CXADR: variants seen among roughly 807,000 people sequenced by gnomAD.
The protein encoded by CXADR is CXADR cell adhesion molecule.
Under a neutral mutation model 40.3 loss-of-function variants are expected in CXADR, and 20 were observed. The observed-to-expected ratio is 0.50, with a 90% CI of 0.35 to 0.72. CXADR has a LOEUF of 0.72. Ranked by LOEUF, CXADR falls within the 30% of genes least tolerant of loss-of-function variation. The pLI is 0.01. For missense variants in CXADR, 332 were observed against 449.1 expected (o/e 0.74, Z 2.36); for synonymous variants, 150 against 161.3 (o/e 0.93, Z 0.53).
chr21:17,515,540 G>C (rs868627509), intron 1 of CXADR, among the ~76,000 whole-genome samples: 1 of 152,124 alleles, frequency 6.6e-6, no homozygotes, highest in African/African-American at 2.4e-5. Flanking sequence ...GGCCGGGCGC[G>C]GTGGCTCACG....
At chr21:17,542,239 C>T (rs758989387) in intron 1 of CXADR, among the ~76,000 whole-genome samples, 2 of 152,056 alleles carry the variant, frequency 1.3e-5, no homozygotes, top group Non-Finnish European at 2.9e-5. Flanking sequence ...TTAAGATTGC[C>T]AGAAGGAAAA....
At chr21:17,604,797 C>T in the CXADR span, 5 of 1,566,342 alleles carry the variant, frequency 3.2e-6, no homozygotes, top group Middle Eastern at 1.7e-4. Flanking sequence ...CCGTACATGA[C>T]AGAATGTCAT....
At chr21:17,552,589 G>C (rs1009514090) in intron 3 of CXADR, among the ~76,000 whole-genome samples, 1 of 152,130 alleles carries the variant, frequency 6.6e-6, no homozygotes, top group African/African-American at 2.4e-5. Context: ...CCTTCAAATT[G>C]AGAAACTGAA....
chr21:17,623,442 G>C, the CXADR span, among the ~76,000 whole-genome samples: 1 of 152,066 alleles, frequency 6.6e-6, no homozygotes, highest in Admixed American at 6.6e-5. Context: ...TAATGTAAGA[G>C]AGACTTTCGA....
At chr21:17,564,359 T>C (rs901584478) in intron 6 of CXADR, among the ~76,000 whole-genome samples, 20 of 151,614 alleles carry the variant, frequency 1.3e-4, no homozygotes, top group African/African-American at 4.8e-4. Context: ...ATACAATGTA[T>C]ATAACCTGCA....
chr21:17,607,100 A>G, the CXADR span, among the ~76,000 whole-genome samples: 1 of 152,080 alleles, frequency 6.6e-6, no homozygotes, highest in Admixed American at 6.5e-5. Context: ...ACAACCCACT[A>G]TTTTTTCTAC....
chr21:17,585,765 G>A (rs973780479), intron 7 of CXADR, among the ~76,000 whole-genome samples: 1 of 152,088 alleles, frequency 6.6e-6, no homozygotes. Flanking sequence ...TGATCCGCCC[G>A]CCTTGGCCTC....
At chr21:17,558,597 A>T (rs114686029) in intron 3 of CXADR, among the ~76,000 whole-genome samples, 430 of 152,266 alleles carry the variant, frequency 2.8e-3, no homozygotes, top group African/African-American at 0.01. Context: ...AGAGGGTTAC[A>T]TGTCAGGCAT....
the CXADR span, chr21:17,598,626 A>T: frequency 2.5e-5 from 41 of 1,613,738 alleles, no homozygotes; most frequent in Middle Eastern, 8.2e-4. Flanking sequence ...CCTGGTACAC[A>T]GGACTTGCGG....
At chr21:17,572,802 A>G (rs576619687), downstream of CXADR, among the ~76,000 whole-genome samples, 4 of 152,304 alleles carry the variant, frequency 2.6e-5, no homozygotes, top group South Asian at 8.3e-4. Context: ...ATTTTGGTAT[A>G]CTAATAATAT....
chr21:17,620,185 G>A, the CXADR span, among the ~76,000 whole-genome samples: 5 of 152,290 alleles, frequency 3.3e-5, no homozygotes, highest in African/African-American at 9.6e-5. Context: ...TGCCATCCAC[G>A]CTAAACTTAA....
intron 7 of CXADR, among the ~76,000 whole-genome samples, chr21:17,578,970 C>G (rs1010520139): frequency 2.6e-5 from 4 of 152,120 alleles, no homozygotes; most frequent in African/African-American, 9.7e-5. Context: ...CACCAGATCC[C>G]CCACTAGCTC....
chr21:17,596,682 GATGAAT>G (rs1288890147), downstream of CXADR, among the ~76,000 whole-genome samples: 1 of 152,020 alleles, frequency 6.6e-6, no homozygotes, highest in Non-Finnish European at 1.5e-5. Context: ...ACACTGTCTT[GATGAAT>G]ATATAATAGC....
intron 1 of CXADR, among the ~76,000 whole-genome samples, chr21:17,536,838 C>T (rs981410620): frequency 3.9e-5 from 6 of 152,070 alleles, no homozygotes; most frequent in African/African-American, 1.4e-4. Flanking sequence ...CTCACTGCAA[C>T]CTCTGCCTCC....
At chr21:17,608,381 A>AC in the CXADR span, among the ~76,000 whole-genome samples, 4 of 151,810 alleles carry the variant, frequency 2.6e-5, no homozygotes, top group Admixed American at 2.6e-4. Flanking sequence ...CACAAAAAAA[A>AC]AAAACTCCCA....
chr21:17,514,515 T>G (rs1275760744), intron 1 of CXADR, among the ~76,000 whole-genome samples: 1 of 151,838 alleles, frequency 6.6e-6, no homozygotes, highest in Non-Finnish European at 1.5e-5. Context: ...TTCTTTTTTT[T>G]GTCTAGGCCG....
At chr21:17,590,497 A>G (rs1430308087) in intron 7 of CXADR, among the ~76,000 whole-genome samples, 1 of 152,086 alleles carries the variant, frequency 6.6e-6, no homozygotes, top group Non-Finnish European at 1.5e-5. Context: ...AATGAATAAA[A>G]TGTACATATT....
the CXADR span, chr21:17,608,757 G>A: frequency 2.2e-6 from 1 of 445,738 alleles, no homozygotes; most frequent in African/African-American, 2.0e-5. Flanking sequence ...TGACCCCATA[G>A]CATTGGCCTC....
chr21:17,612,581 G>C, the CXADR span: 1 of 151,608 alleles, frequency 6.6e-6, no homozygotes, highest in South Asian at 2.1e-4. Flanking sequence ...CCCCTCCCCT[G>C]TCCCCGGTGC....
Sources: allele counts gnomAD v4.1 joint callset (sites outside exome capture counted in the v4.1 genomes callset), GRCh38; gene constraint gnomAD v4.1.1; transcripts MANE v1.5; gene names NCBI Gene and HGNC (gene_info 2026-07-23, HGNC 2026-07-21).